The following BMPER variants were observed in gnomAD, a reference collection of about 807,000 sequenced individuals.
The protein encoded by BMPER is BMP binding endothelial regulator.
A neutral mutation model predicts 87.3 loss-of-function variants in BMPER; 45 were observed. The ratio of observed to expected loss-of-function variants is 0.52; its 90% CI spans 0.41 to 0.66. The LOEUF is 0.66. Among genes scored for constraint, BMPER ranks in the 30% least tolerant of loss-of-function variants. The pLI is 0.00. For synonymous variants in BMPER, 326 were observed against 316.2 expected, an observed-to-expected ratio of 1.03 and a Z score of -0.33; for missense variants, 784 against 867.5, an observed-to-expected ratio of 0.90 and a Z score of 1.21.
chr7:34,056,413 A>T (rs907004411), intron 9 of BMPER, among the ~76,000 whole-genome samples: 27 of 152,164 alleles, frequency 1.8e-4, no homozygotes, highest in African/African-American at 4.3e-4. Flanking sequence ...AAAAAAAATT[A>T]AAAAAGAGAA....
At chr7:33,910,244 C>T (rs538534073) in intron 2 of BMPER, among the ~76,000 whole-genome samples, 1 of 152,308 alleles carries the variant, frequency 6.6e-6, no homozygotes, top group African/African-American at 2.4e-5. Context: ...GAAAGGAAGC[C>T]AACAGTTATT....
intron 6 of BMPER, among the ~76,000 whole-genome samples, chr7:33,980,946 G>A (rs1286079304): frequency 6.6e-6 from 1 of 152,170 alleles, no homozygotes; most frequent in Admixed American, 6.5e-5. Context: ...CTCCAAGGAA[G>A]GGTATTTGAA....
chr7:33,937,469 C>A, intron 3 of BMPER, 81 bp downstream of exon 3: 1 of 1,461,946 alleles, frequency 6.8e-7, no homozygotes, highest in Non-Finnish European at 9.5e-7. Flanking sequence ...TTCCTTTTCA[C>A]TCAGCTTTTG....
intron 3 of BMPER, among the ~76,000 whole-genome samples, chr7:33,944,135 A>T (rs1314308501): frequency 6.6e-6 from 1 of 151,754 alleles, no homozygotes; most frequent in Non-Finnish European, 1.5e-5. Flanking sequence ...TTTAAGAATG[A>T]TTTTTTTCTT....
Position 34,085,767 on chromosome 7 carries a change from T to G in BMPER, c.1420T>G (p.Ser474Ala), listed in dbSNP as rs1271096241. ...TCCTCCTCCTCTAGGTTTGGAAATA[T>G]CTTGGGATGGAGACAGTTTTGTAGA... ...KVTTKAGLEI[S>A]WDGDSFVEVM... The change falls in exon 13 of 15, where the codon TCT becomes GCT. Residue 474 changes from serine to alanine, a missense_variant. Coordinates refer to ENST00000649409, the MANE Select transcript of BMPER (RefSeq NM_001365308.1). 1 of 1,613,906 alleles carries G rather than the reference T, an allele frequency of 6.2e-7. No homozygotes were observed. Among genetic ancestry groups the G allele is most frequent in the African/African-American group, 1.3e-5 (1 of 74,940 alleles).
intron 6 of BMPER, among the ~76,000 whole-genome samples, chr7:33,995,598 T>G (rs1366160705): frequency 2.0e-5 from 3 of 152,090 alleles, no homozygotes; most frequent in Admixed American, 2.0e-4. Context: ...AACCAGGCCA[T>G]GTAAGATTGA....
At chr7:33,990,965 C>G (rs1786195125) in intron 6 of BMPER, among the ~76,000 whole-genome samples, 1 of 129,856 alleles carries the variant, frequency 7.7e-6, no homozygotes, top group Non-Finnish European at 1.6e-5. Flanking sequence ...AGGGATGAAG[C>G]CCACTTGATC....
At chr7:33,993,513 A>G (rs1179371631) in intron 6 of BMPER, among the ~76,000 whole-genome samples, 2 of 151,656 alleles carry the variant, frequency 1.3e-5, no homozygotes, top group Admixed American at 6.6e-5. Flanking sequence ...CTAGTTATAC[A>G]TTCTTCTAAA....
At chr7:33,949,090 C>G (rs1784958426) in intron 3 of BMPER, among the ~76,000 whole-genome samples, 1 of 152,148 alleles carries the variant, frequency 6.6e-6, no homozygotes, top group South Asian at 2.1e-4. Context: ...CAACATGTAG[C>G]TTAGGAACCA....
Position 34,071,512 on chromosome 7 carries a change from G to C in BMPER, c.1079-7345G>C, listed in dbSNP as rs539483789. ...TGCCAAGCTCCAAGGAGGCTTTAAAGCTGGAAGCCAGGTTAACTTGGAGTT... is the reference window on the plus strand; with the variant it reads ...TGCCAAGCTCCAAGGAGGCTTTAAACCTGGAAGCCAGGTTAACTTGGAGTT... On this transcript the variant is annotated intron_variant, in intron 11 of 14. Transcript: ENST00000649409. Among the ~76,000 whole-genome samples, 142 of 152,330 alleles carry C rather than the reference G, an allele frequency of 9.3e-4. 1 individual carries two copies. The highest frequency in any genetic ancestry group is 3.2e-3 in the African/African-American group (132 of 41,582).
intron 3 of BMPER, among the ~76,000 whole-genome samples, chr7:33,942,626 C>T (rs1784795829): frequency 6.6e-6 from 1 of 152,100 alleles, no homozygotes. Flanking sequence ...GGTCGGCCTC[C>T]CTGTTGGAGA....
At chr7:34,047,566 C>T (rs1374662381) in intron 7 of BMPER, among the ~76,000 whole-genome samples, 1 of 152,054 alleles carries the variant, frequency 6.6e-6, no homozygotes, top group African/African-American at 2.4e-5. Context: ...CGTGAGCCAC[C>T]ATGCCCAGCC....
chr7:33,918,695 A>C lies in BMPER; in HGVS notation c.219+11792A>C, dbSNP rs1455089274. Among the ~76,000 whole-genome samples, 4 of 152,338 alleles carry C rather than the reference A, an allele frequency of 2.6e-5. No homozygotes were observed. The East Asian group carries it at 7.7e-4, about 29-fold the overall frequency. ...AAGGTCTTGCCATGGGCTTCTGTTT[A>C]TGCCCCTTGGGGGGAATGGGGCCCA... On this transcript the variant is annotated intron_variant, in intron 2 of 14. Transcript: ENST00000649409.
chr7:33,941,694 C>T (rs11762031), intron 3 of BMPER, among the ~76,000 whole-genome samples: 45,007 of 152,016 alleles, frequency 0.3, 6,777 homozygotes, highest in Non-Finnish European at 0.33. Context: ...TGACAGGAGG[C>T]GGAGCTCAGG....
At chr7:34,144,934 G>A (rs1043138940) in intron 14 of BMPER, among the ~76,000 whole-genome samples, 3 of 152,182 alleles carry the variant, frequency 2.0e-5, no homozygotes, top group Non-Finnish European at 4.4e-5. Flanking sequence ...GATAAGAGTG[G>A]TCACTGGTTA....
At chr7:34,109,309 GC>G (rs1172255327) in intron 13 of BMPER, among the ~76,000 whole-genome samples, 2 of 152,184 alleles carry the variant, frequency 1.3e-5, no homozygotes, top group African/African-American at 2.4e-5. Flanking sequence ...GGGAGGGTCA[GC>G]TTTTTTGTCT....
intron 6 of BMPER, among the ~76,000 whole-genome samples, chr7:33,976,863 C>A (rs1004098556): frequency 2.0e-5 from 3 of 152,194 alleles, no homozygotes; most frequent in Non-Finnish European, 2.9e-5. Context: ...ATTCTGATTT[C>A]ATATGTTTTT....
chr7:34,020,322 A>G (rs571479990), intron 6 of BMPER, among the ~76,000 whole-genome samples: 3 of 152,052 alleles, frequency 2.0e-5, no homozygotes, highest in South Asian at 4.1e-4. Context: ...AATCTGGTAT[A>G]GAAATAAGTT....
intron 2 of BMPER, among the ~76,000 whole-genome samples, chr7:33,920,829 A>C (rs1784212677): frequency 6.6e-6 from 1 of 152,192 alleles, no homozygotes; most frequent in African/African-American, 2.4e-5. Context: ...AGGGTATATG[A>C]ATATAAACAT....
Sources: gnomAD v4.1 joint callset for allele counts (sites outside exome capture counted in the v4.1 genomes callset) on GRCh38, gnomAD v4.1.1 for gene constraint, MANE v1.5 for transcripts, NCBI Gene and HGNC (gene_info 2026-07-23, HGNC 2026-07-21) for gene names.